GDA: variants seen among roughly 807,000 people sequenced by gnomAD.
GDA encodes guanine deaminase.
GDA carries 18 observed loss-of-function variants against 59.6 expected under a neutral mutation model. The observed-to-expected ratio is 0.30, with a 90% CI of 0.21 to 0.45. GDA has a LOEUF of 0.45. GDA is among the 20% of genes least tolerant of loss of function. The pLI is 1.00. For missense variants in GDA, 427 were observed against 552.3 expected (o/e 0.77, Z 2.27); for synonymous variants, 201 against 201.1 (o/e 1.00, Z 0.00).
At chr9:72,150,362 A>T (rs1827057258) in intron 1 of GDA, among the ~76,000 whole-genome samples, 1 of 151,880 alleles carries the variant, frequency 6.6e-6, no homozygotes. Context: ...CACACACCAT[A>T]GCCATTTGCA....
intron 11 of GDA, among the ~76,000 whole-genome samples, chr9:72,242,352 A>T: frequency 6.6e-6 from 1 of 152,244 alleles, no homozygotes; most frequent in East Asian, 1.9e-4. Flanking sequence ...TCTCACGTGT[A>T]ACTGTATTGT....
At chr9:72,246,861 A>C (rs561465868) in intron 12 of GDA, among the ~76,000 whole-genome samples, 14 of 152,190 alleles carry the variant, frequency 9.2e-5, no homozygotes, top group African/African-American at 2.2e-4. Context: ...GCTCTAGGGA[A>C]TAGTCCTAGT....
chr9:72,155,062 T>C (rs771179722), intron 1 of GDA, among the ~76,000 whole-genome samples: 7 of 152,198 alleles, frequency 4.6e-5, no homozygotes, highest in Non-Finnish European at 1.0e-4. Flanking sequence ...AAACTTGCGA[T>C]GTGAACAATG....
intron 10 of GDA, among the ~76,000 whole-genome samples, chr9:72,238,143 T>C (rs1210988430): frequency 6.6e-6 from 1 of 152,134 alleles, no homozygotes; most frequent in African/African-American, 2.4e-5. Context: ...CACTACTCTC[T>C]CCTCCTCACC....
At chr9:72,172,793 C>T (rs184160781) in intron 1 of GDA, among the ~76,000 whole-genome samples, 94 of 151,962 alleles carry the variant, frequency 6.2e-4, no homozygotes, top group Non-Finnish European at 1.1e-3. Context: ...ACCAATTACT[C>T]TATTTTGAAA....
At chr9:72,238,877 A>G (rs547018815) in intron 10 of GDA, among the ~76,000 whole-genome samples, 1 of 152,326 alleles carries the variant, frequency 6.6e-6, no homozygotes, top group East Asian at 1.9e-4. Context: ...TGCAATTATT[A>G]AGATATGTGA....
chr9:72,202,779 G>T (rs1245059576), intron 3 of GDA, 37 bp downstream of exon 3: 2 of 1,478,200 alleles, frequency 1.4e-6, no homozygotes, highest in South Asian at 2.3e-5. Context: ...ATTCTGTTTG[G>T]TCATCTATAG....
At chr9:72,220,632 A>G (rs1836738906) in intron 6 of GDA, among the ~76,000 whole-genome samples, 1 of 151,908 alleles carries the variant, frequency 6.6e-6, no homozygotes, top group East Asian at 1.9e-4. Flanking sequence ...TTCTGATTTC[A>G]CAGGATTGGT....
chr9:72,158,232 A>G (rs4540461), intron 1 of GDA, among the ~76,000 whole-genome samples: 51,658 of 151,970 alleles, frequency 0.34, 10,117 homozygotes, highest in Non-Finnish European at 0.44. Flanking sequence ...TGTGAATTCA[A>G]ATCAAAACTC....
intron 1 of GDA, among the ~76,000 whole-genome samples, chr9:72,168,383 A>AT (rs200298698): frequency 0.015 from 2,166 of 141,502 alleles, 59 homozygotes; most frequent in African/African-American, 0.053. Context: ...ACACACTGAG[A>AT]CTTTGTCTTT....
At chr9:72,162,975 T>C (rs1278880477) in intron 1 of GDA, among the ~76,000 whole-genome samples, 1 of 152,230 alleles carries the variant, frequency 6.6e-6, no homozygotes, top group African/African-American at 2.4e-5. Context: ...GATTTACTTC[T>C]AAAGAATATA....
Position 72,153,628 on chromosome 9 carries a change from C to T in GDA, c.123+3946C>T, listed in dbSNP as rs1827510077. Reference sequence around the variant, plus strand: ...GGATTAAGAAAATGTGGCACATATACACCATGGAATACTATGCAGCCATAA... The same window carrying T: ...GGATTAAGAAAATGTGGCACATATATACCATGGAATACTATGCAGCCATAA... On this transcript the variant is annotated intron_variant, in intron 1 of 13. Coordinates refer to ENST00000358399, the MANE Select transcript of GDA (RefSeq NM_004293.5). Among the ~76,000 whole-genome samples the T allele has an allele frequency of 3.3e-5, 5 of 151,262 alleles. No homozygotes were observed. The South Asian group carries it at 1.1e-3, about 32-fold the overall frequency.
At chr9:72,183,959 T>A (rs1831576029) in intron 1 of GDA, among the ~76,000 whole-genome samples, 1 of 152,218 alleles carries the variant, frequency 6.6e-6, no homozygotes, top group East Asian at 1.9e-4. Flanking sequence ...TTATTCAGAT[T>A]TGACTGTCTA....
At chr9:72,122,550 CTA>C (rs1825698565) in intron 1 of GDA, among the ~76,000 whole-genome samples, 1 of 152,024 alleles carries the variant, frequency 6.6e-6, no homozygotes, top group Admixed American at 6.6e-5. Flanking sequence ...ATGGAACACA[CTA>C]TGTACACAAG....
At chr9:72,169,841 T>A (rs1587454222) in intron 1 of GDA, among the ~76,000 whole-genome samples, 1 of 152,254 alleles carries the variant, frequency 6.6e-6, no homozygotes, top group Admixed American at 6.5e-5. Flanking sequence ...AATGGTTTTG[T>A]AATTAATGTG....
chr9:72,164,363 G>A (rs1587425383), intron 1 of GDA, among the ~76,000 whole-genome samples: 2 of 152,234 alleles, frequency 1.3e-5, no homozygotes, highest in South Asian at 4.2e-4. Context: ...ATGTTACTGA[G>A]ACATAAGAAC....
intron 12 of GDA, among the ~76,000 whole-genome samples, chr9:72,246,445 G>T (rs753731194): frequency 1.3e-5 from 2 of 152,216 alleles, no homozygotes; most frequent in Non-Finnish European, 2.9e-5. Flanking sequence ...ACTGTACCCG[G>T]CCTATTTAAT....
intron 1 of GDA, among the ~76,000 whole-genome samples, chr9:72,133,374 T>C (rs1475149915): frequency 1.3e-5 from 2 of 151,542 alleles, no homozygotes. Context: ...TTTTCAGTAC[T>C]TAATCTATAT....
chr9:72,181,571 C>T (rs568798666), intron 1 of GDA, among the ~76,000 whole-genome samples: 4 of 152,288 alleles, frequency 2.6e-5, no homozygotes, highest in South Asian at 4.1e-4. Flanking sequence ...GTGATCCACC[C>T]GCCTTGGCCT....
Sources: allele counts gnomAD v4.1 joint callset (sites outside exome capture counted in the v4.1 genomes callset), GRCh38; gene constraint gnomAD v4.1.1; transcripts MANE v1.5; gene names NCBI Gene and HGNC (gene_info 2026-07-23, HGNC 2026-07-21).